ZCCHC7: variants seen among roughly 807,000 people sequenced by gnomAD.
The protein encoded by ZCCHC7 is zinc finger CCHC-type containing 7, also known as zinc finger CCHC domain-containing protein 7.
A neutral mutation model predicts 52.0 loss-of-function variants in ZCCHC7; 35 were observed. The observed-to-expected ratio is 0.67, with a 90% CI of 0.51 to 0.89. ZCCHC7 has a LOEUF of 0.89. Among genes scored for constraint, ZCCHC7 ranks in the 40% least tolerant of loss-of-function variants. The pLI, the probability that ZCCHC7 is intolerant of heterozygous loss-of-function variation, is 0.00. For missense variants in ZCCHC7, 574 were observed against 649.1 expected, an observed-to-expected ratio of 0.88 and a Z score of 1.26; for synonymous variants, 217 against 221.5, an observed-to-expected ratio of 0.98 and a Z score of 0.18.
chr9:37,228,147 T>C (rs1053288596), intron 2 of ZCCHC7, among the ~76,000 whole-genome samples: 1 of 152,196 alleles, frequency 6.6e-6, no homozygotes, highest in Non-Finnish European at 1.5e-5. Context: ...GACTATGTAC[T>C]GTATTAATCT....
At chr9:37,245,382 CA>C (rs1826040217) in intron 2 of ZCCHC7, among the ~76,000 whole-genome samples, 1 of 151,848 alleles carries the variant, frequency 6.6e-6, no homozygotes, top group Non-Finnish European at 1.5e-5. Context: ...TCCATTTAAA[CA>C]GTTGAAATTG....
chr9:37,129,629 CTA>C (rs1454565727), intron 2 of ZCCHC7, among the ~76,000 whole-genome samples: 1 of 152,092 alleles, frequency 6.6e-6, no homozygotes, highest in Non-Finnish European at 1.5e-5. Context: ...TTAGAAATGC[CTA>C]TTGTTAAACA....
chr9:37,285,003 A>G (rs1233766986), intron 2 of ZCCHC7, among the ~76,000 whole-genome samples: 19 of 152,156 alleles, frequency 1.2e-4, no homozygotes, highest in Non-Finnish European at 1.3e-4. Context: ...TTTTGTTATA[A>G]AAAGTTTCTT....
chr9:37,196,340 G>C (rs1823283968), intron 2 of ZCCHC7, among the ~76,000 whole-genome samples: 1 of 152,130 alleles, frequency 6.6e-6, no homozygotes, highest in Non-Finnish European at 1.5e-5. Context: ...CACTTTGCCA[G>C]ATCTCTGATG....
intron 2 of ZCCHC7, among the ~76,000 whole-genome samples, chr9:37,269,465 A>T (rs575654973): frequency 2.0e-5 from 3 of 151,840 alleles, no homozygotes; most frequent in African/African-American, 7.2e-5. Context: ...TAAAAATTTT[A>T]AAAATTAACT....
At chr9:37,292,967 A>G (rs955358101) in intron 2 of ZCCHC7, among the ~76,000 whole-genome samples, 1 of 152,184 alleles carries the variant, frequency 6.6e-6, no homozygotes, top group African/African-American at 2.4e-5. Flanking sequence ...AAGGAATATA[A>G]TGTGGAATTT....
At chr9:37,205,162 T>C in intron 2 of ZCCHC7, 2 of 334,340 alleles carry the variant, frequency 6.0e-6, no homozygotes, top group Non-Finnish European at 1.2e-5. Context: ...TTGGCAAGAA[T>C]CTTGCCCTTA....
At chr9:37,267,566 CTTTTTTTTTTT>C (rs983055913) in intron 2 of ZCCHC7, among the ~76,000 whole-genome samples, 1 of 115,294 alleles carries the variant, frequency 8.7e-6, no homozygotes, top group Non-Finnish European at 1.8e-5. Flanking sequence ...CTAATTTTTT[CTTTTTTTTTTT>C]TTTTTTTTTT....
At chr9:37,148,141 A>G (rs185140385) in intron 2 of ZCCHC7, among the ~76,000 whole-genome samples, 55 of 152,256 alleles carry the variant, frequency 3.6e-4, no homozygotes, top group Admixed American at 7.2e-4. Context: ...ATTGGGAACA[A>G]AGGCATAGAT....
chr9:37,262,525 G>A (rs1262950282), intron 2 of ZCCHC7, among the ~76,000 whole-genome samples: 1 of 152,128 alleles, frequency 6.6e-6, no homozygotes, highest in Admixed American at 6.5e-5. Context: ...AAATATACAA[G>A]TATAGTGTCC....
rs190248353 is a variant in ZCCHC7 at position 37,128,354 on chromosome 9, A to G, written c.610+1412A>G. ...TGTTTGATTTTCTTAGGAAAATGAA[A>G]GCAGAAGTGGGAGAGGGCGGGGGAT... is the stretch of plus-strand genomic sequence containing the variant. On this transcript the variant is annotated intron_variant, in intron 2 of 8. Coordinates refer to ENST00000336755, the MANE Select transcript of ZCCHC7 (RefSeq NM_032226.3). Among the ~76,000 whole-genome samples the G allele has an allele frequency of 2.0e-5, 3 of 152,300 alleles. No individual in the cohort carries two copies. The East Asian group carries it at 5.8e-4, about 29-fold the overall frequency.
At chr9:37,125,866 G>A (rs1262425349) in intron 1 of ZCCHC7, among the ~76,000 whole-genome samples, 1 of 152,200 alleles carries the variant, frequency 6.6e-6, no homozygotes, top group East Asian at 1.9e-4. Context: ...TCTTTTGTAT[G>A]TTTAGATACC....
intron 2 of ZCCHC7, among the ~76,000 whole-genome samples, chr9:37,127,908 G>A (rs1239032613): frequency 3.3e-5 from 5 of 152,126 alleles, no homozygotes; most frequent in Non-Finnish European, 7.3e-5. Flanking sequence ...GGCCCTTGTG[G>A]GAAAGCAGCC....
chr9:37,213,736 C>G (rs1264774611), intron 2 of ZCCHC7, among the ~76,000 whole-genome samples: 1 of 152,056 alleles, frequency 6.6e-6, no homozygotes, highest in Admixed American at 6.6e-5. Flanking sequence ...CTGAGAGTGC[C>G]TTTCCTTTCC....
chr9:37,251,715 C>T (rs746033679), intron 2 of ZCCHC7, among the ~76,000 whole-genome samples: 4 of 152,268 alleles, frequency 2.6e-5, no homozygotes, highest in Admixed American at 2.0e-4. Flanking sequence ...CGCAGATGGT[C>T]CCAGAGCATT....
Position 37,126,368 on chromosome 9 carries a change from C to T in ZCCHC7, c.36C>T (p.Tyr12=), listed in dbSNP as rs756127706. The change falls in exon 2 of 9, where the codon TAC becomes TAT. Residue 12 remains tyrosine (Y), a synonymous_variant. Transcript: ENST00000336755. ...GTGGCTATGAGACTATAGAAGCATACGAAGATGATCTTTATCGAGATGAGT... is the reference window on the plus strand; with the variant it reads ...GTGGCTATGAGACTATAGAAGCATATGAAGATGATCTTTATCGAGATGAGT... ...MFGGYETIEA[Y]EDDLYRDESS... 2.6e-5 allele frequency: 42 copies of T among 1,613,746 alleles called. No individual in the cohort carries two copies. Among genetic ancestry groups the T allele is most frequent in the Non-Finnish European group, 3.0e-5 (35 of 1,179,958 alleles).
At chr9:37,123,344 A>G (rs926718927) in intron 1 of ZCCHC7, among the ~76,000 whole-genome samples, 4 of 152,144 alleles carry the variant, frequency 2.6e-5, no homozygotes, top group African/African-American at 9.7e-5. Context: ...CCTTAGGCAG[A>G]CCTTAACCCT....
At chr9:37,145,557 A>G (rs1843394877) in intron 2 of ZCCHC7, among the ~76,000 whole-genome samples, 1 of 151,950 alleles carries the variant, frequency 6.6e-6, no homozygotes, top group Admixed American at 6.6e-5. Flanking sequence ...TTCTGGGATA[A>G]AGATAGTTGT....
rs144951233 is a variant in ZCCHC7 at position 37,282,328 on chromosome 9, G to A, written c.611-19860G>A. Among the ~76,000 whole-genome samples the A allele has an allele frequency of 2.6e-3, 401 of 152,216 alleles. 3 individuals are homozygous for A. Among genetic ancestry groups the A allele is most frequent in the African/African-American group, 8.8e-3 (365 of 41,536 alleles). ...TTTTTAAAAGTTTAAACAAGGCCGG[G>A]CATGGTGGCTCACGCCTGTAATCCC... On this transcript the variant is annotated intron_variant, in intron 2 of 8. Transcript: ENST00000336755.
Sources: gnomAD v4.1 joint callset for allele counts (sites outside exome capture counted in the v4.1 genomes callset) on GRCh38, gnomAD v4.1.1 for gene constraint, MANE v1.5 for transcripts, NCBI Gene and HGNC (gene_info 2026-07-23, HGNC 2026-07-21) for gene names.